The following ADAP1 variants were observed in gnomAD, a reference collection of about 807,000 sequenced individuals.
ADAP1 encodes ArfGAP with dual PH domains 1, also known as arf-GAP with dual PH domain-containing protein 1.
ADAP1 carries 31 observed loss-of-function variants against 54.9 expected under a neutral mutation model. That is an observed-to-expected ratio of 0.56 (90% CI 0.42 to 0.76). The LOEUF is 0.76. Ranked by LOEUF, ADAP1 falls within the 30% of genes least tolerant of loss-of-function variation. The pLI is 0.00. For synonymous variants in ADAP1, 313 were observed against 202.6 expected, an observed-to-expected ratio of 1.55 and a Z score of -4.63; for missense variants, 535 against 512.4, an observed-to-expected ratio of 1.04 and a Z score of -0.42.
At chr7:919,087 G>C (rs994291138) in intron 4 of ADAP1, among the ~76,000 whole-genome samples, 1 of 152,294 alleles carries the variant, frequency 6.6e-6, no homozygotes, top group South Asian at 2.1e-4. Flanking sequence ...CCACAGCCCC[G>C]CCAGCCCACG....
intron 8 of ADAP1, among the ~76,000 whole-genome samples, chr7:899,854 G>A (rs995943395): frequency 4.6e-5 from 7 of 152,136 alleles, no homozygotes; most frequent in East Asian, 1.9e-4. Flanking sequence ...GCCCCTGGCC[G>A]CGCAGGTGCA....
chr7:948,825 T>C (rs1303600431), intron 1 of ADAP1, among the ~76,000 whole-genome samples: 1 of 152,068 alleles, frequency 6.6e-6, no homozygotes, highest in South Asian at 2.1e-4. Flanking sequence ...ACCTCCCGAG[T>C]AGCTGGGATT....
Position 900,463 on chromosome 7 carries a change from G to A in ADAP1, c.732+70C>T, listed in dbSNP as rs563449257. 1.3e-3 allele frequency: 1,871 copies of A among 1,474,940 alleles called. 2 individuals carry two copies. Among genetic ancestry groups the A allele is most frequent in the Non-Finnish European group, 1.4e-3 (1,513 of 1,080,412 alleles). The allele number at this position is 1,474,940 out of a possible 1,614,324, so 91.4% of individuals were successfully genotyped here. On this transcript the variant is annotated intron_variant, in intron 7 of 10. Coordinates refer to ENST00000265846, the MANE Select transcript of ADAP1 (RefSeq NM_006869.4). ...CAACATCATCCCAGACTCAGGGCAC[G>A]AGGGCTCCGTCCACCCCCCACCCCA...
At chr7:933,463 CAGGGG>C (rs1846647531) in intron 2 of ADAP1, among the ~76,000 whole-genome samples, 2 of 93,556 alleles carry the variant, frequency 2.1e-5, no homozygotes, top group Admixed American at 2.5e-4. Flanking sequence ...CAACCAGGGG[CAGGGG>C]TCAGTGGTGC....
In ADAP1 at chr7:919,961, G is replaced by A. The variant is rs200043546; in HGVS notation, c.388+7C>T. 439 of 1,601,090 alleles carry A rather than the reference G, an allele frequency of 2.7e-4. 1 individual carries two copies. The African/African-American group carries it at 5.3e-3, about 19-fold the overall frequency. On this transcript the variant is annotated splice_region_variant and intron_variant, in intron 4 of 10. Coordinates refer to ENST00000265846, the MANE Select transcript of ADAP1 (RefSeq NM_006869.4). ...CGGGAGGCCCCACCCCACCCGGGTGGCCTCACCTGCCGAGTAGGGCTCCTG... is the reference window on the plus strand; with the variant it reads ...CGGGAGGCCCCACCCCACCCGGGTGACCTCACCTGCCGAGTAGGGCTCCTG...
rs879660193 is a variant in ADAP1 at position 920,309 on chromosome 7, G to A, written c.306-259C>T. On this transcript the variant is annotated intron_variant, in intron 3 of 10. Transcript: ENST00000265846. This position sits in a 1 kb window ranked among gnomAD's most constrained non-coding sequence, Gnocchi z 4.5. ...ATCAGGCCTCACGTTCTGCACAAGC[G>A]TTCCCGGTGGACGGGCTGGTGCCTC... 3.7e-4 allele frequency among the ~76,000 whole-genome samples: 57 copies of A among 152,116 alleles called. 1 individual carries two copies. The highest frequency in any genetic ancestry group is 6.5e-4 in the Admixed American group (10 of 15,286).
intron 4 of ADAP1, among the ~76,000 whole-genome samples, chr7:914,595 G>C (rs1424970198): frequency 6.6e-6 from 1 of 152,094 alleles, no homozygotes. Context: ...GGGTCCCTGA[G>C]GTCTAACCCT....
At position 898,607 on chromosome 7, in the gene ADAP1, G is replaced by T; in HGVS notation, c.*314C>A. The stretch of plus-strand genomic sequence containing the variant: ...CAGCCGTGGTGGGCGGCTCCTGGGG[G>T]CTGTGTCTGAGCTCGGGAGCCAGAC... On this transcript the variant is annotated 3_prime_UTR_variant, in exon 11 of 11. Transcript: ENST00000265846. 1 of 456,720 alleles carries T rather than the reference G, an allele frequency of 2.2e-6. No individual in the cohort carries two copies. The highest frequency in any genetic ancestry group is 4.1e-6 in the Non-Finnish European group (1 of 245,956). The allele number at this position is 456,720 out of a possible 1,614,324, so 28.3% of individuals were successfully genotyped here.
At chr7:924,580 A>G (rs1404116399) in intron 3 of ADAP1, among the ~76,000 whole-genome samples, 6 of 119,834 alleles carry the variant, frequency 5.0e-5, no homozygotes, top group South Asian at 6.1e-4. Flanking sequence ...CCGCCCTCCA[A>G]GTTATACTGC....
chr7:939,469 C>T (rs186886104), intron 1 of ADAP1, among the ~76,000 whole-genome samples: 8 of 152,016 alleles, frequency 5.3e-5, no homozygotes, highest in South Asian at 2.1e-4. Flanking sequence ...CCGCCTGCCT[C>T]GGCCTCACAA....
At chr7:904,941 A>T in intron 5 of ADAP1, 119 bp downstream of exon 5, 2 of 856,766 alleles carry the variant, frequency 2.3e-6, no homozygotes, top group East Asian at 2.6e-5. Context: ...GAGCGTCCCC[A>T]TCGGGGGGGG....
intron 1 of ADAP1, among the ~76,000 whole-genome samples, chr7:952,113 G>A (rs905089402): frequency 1.3e-5 from 2 of 151,302 alleles, no homozygotes; most frequent in Non-Finnish European, 1.5e-5. Context: ...CCACCTGCCA[G>A]GCCTGTGATG....
chr7:905,476 G>GAGAAAGGA (rs373057755), intron 4 of ADAP1: 5 of 54,914 alleles, frequency 9.1e-5, no homozygotes, highest in Admixed American at 2.6e-4. Flanking sequence ...AAGGAGAAAG[G>GAGAAAGGA]GAAAGGAGAA....
intron 3 of ADAP1, among the ~76,000 whole-genome samples, chr7:923,581 C>A (rs1156784458): frequency 6.6e-6 from 1 of 152,150 alleles, no homozygotes; most frequent in Non-Finnish European, 1.5e-5. Flanking sequence ...GACCCTCTGC[C>A]CTCCCCTGCG....
intron 4 of ADAP1, 102 bp downstream of exon 4, chr7:919,866 G>GGGAGGGAAAGAGATGGGGGAA: frequency 1.9e-6 from 1 of 528,126 alleles, no homozygotes; most frequent in Non-Finnish European, 3.2e-6. Flanking sequence ...AGATGGGGGA[G>GGGAGGGAAAGAGATGGGGGAA]GGAGGGAAAG....
At chr7:932,476 C>T (rs542038381) in intron 2 of ADAP1, among the ~76,000 whole-genome samples, 2 of 152,292 alleles carry the variant, frequency 1.3e-5, no homozygotes, top group South Asian at 2.1e-4. Context: ...CCCTGGAGGC[C>T]CTCCAGGGAC....
chr7:898,538 G>A lies in ADAP1; in HGVS notation c.*383C>T, dbSNP rs1844616468. The A allele has an allele frequency of 3.1e-6, 1 of 318,944 alleles. No homozygotes were observed. Among genetic ancestry groups the A allele is most frequent in the African/African-American group, 2.1e-5 (1 of 47,124 alleles). The allele number at this position is 318,944 out of a possible 1,614,324, so 19.8% of individuals were successfully genotyped here. ...CCAGCGGCCGGCAGCTGCCCACCGT[G>A]CTGGCCCCAAGCAGGGCTCTGCGCT... is the stretch of plus-strand genomic sequence containing the variant. On this transcript the variant is annotated 3_prime_UTR_variant, in exon 11 of 11. Coordinates refer to ENST00000265846, the MANE Select transcript of ADAP1 (RefSeq NM_006869.4).
rs1562933100 is a variant in ADAP1 at position 935,137 on chromosome 7, CCA to C, written c.213+236_213+237del. The C allele has an allele frequency of 7.5e-6, 5 of 669,278 alleles. No homozygotes were observed. The South Asian group carries it at 7.5e-5, about 10-fold the overall frequency. 41.5% of individuals were successfully genotyped at this position (669,278 alleles called of 1,614,324 possible). On this transcript the variant is annotated intron_variant, in intron 2 of 10. Transcript: ENST00000265846. ...CGACCCGCCTTCGCTCCCTGGCCCA[CCA>C]CACACACCTGGAGCTGCTCACAGAG...
At chr7:927,583 C>T (rs1846432647) in intron 2 of ADAP1, 4 of 437,996 alleles carry the variant, frequency 9.1e-6, no homozygotes, top group South Asian at 6.5e-5. Flanking sequence ...ACAGGGAGGG[C>T]CCAGAAGAGC....
Sources: allele counts gnomAD v4.1 joint callset (sites outside exome capture counted in the v4.1 genomes callset), GRCh38; gene constraint gnomAD v4.1.1; non-coding constraint Gnocchi (gnomAD v3.1); transcripts MANE v1.5; gene names NCBI Gene and HGNC (gene_info 2026-07-23, HGNC 2026-07-21).